Variants in FGGY observed in about 807,000 individuals in gnomAD.
FGGY encodes FGGY carbohydrate kinase domain containing, also known as FGGY carbohydrate kinase domain-containing protein.
FGGY carries 72 observed loss-of-function variants against 71.3 expected under a neutral mutation model. That is an observed-to-expected ratio of 1.01 (90% CI 0.84 to 1.23). The LOEUF (loss-of-function observed/expected upper bound fraction) is 1.23. Ranked by LOEUF, FGGY falls within the 50% of genes most tolerant of loss-of-function variation. The pLI, the probability that FGGY is intolerant of heterozygous loss-of-function variation, is 0.00. For missense variants in FGGY, 668 were observed against 682.3 expected (o/e 0.98, Z 0.23); for synonymous variants, 251 against 250.3 (o/e 1.00, Z -0.02).
intron 5 of FGGY, among the ~76,000 whole-genome samples, chr1:59,428,026 T>C (rs1212988908): frequency 3.3e-5 from 5 of 152,192 alleles, no homozygotes; most frequent in Non-Finnish European, 5.9e-5. Flanking sequence ...GGGAAGCCCA[T>C]CTCAGCTAAG....
At chr1:59,533,088 G>C (rs2095199672) in intron 7 of FGGY, among the ~76,000 whole-genome samples, 1 of 152,168 alleles carries the variant, frequency 6.6e-6, no homozygotes, top group African/African-American at 2.4e-5. Flanking sequence ...ATTTCCGTCT[G>C]AGGTACGGGG....
At chr1:59,473,692 A>T (rs770577845) in intron 6 of FGGY, among the ~76,000 whole-genome samples, 9 of 152,018 alleles carry the variant, frequency 5.9e-5, no homozygotes, top group Admixed American at 4.6e-4. Context: ...GGAACTTCTA[A>T]CTTTCCTCAA....
intron 2 of FGGY, among the ~76,000 whole-genome samples, chr1:59,326,773 C>T (rs1382035544): frequency 6.6e-6 from 1 of 151,960 alleles, no homozygotes; most frequent in East Asian, 1.9e-4. Context: ...TTGCTACAGC[C>T]CTTCAACATC....
At chr1:59,552,913 T>C (rs1015869192) in intron 7 of FGGY, among the ~76,000 whole-genome samples, 1 of 152,150 alleles carries the variant, frequency 6.6e-6, no homozygotes, top group Non-Finnish European at 1.5e-5. Flanking sequence ...CAACTTTTAT[T>C]ATAGAAGGGA....
chr1:59,463,577 AAG>A (rs2092405968), intron 6 of FGGY, among the ~76,000 whole-genome samples: 1 of 152,184 alleles, frequency 6.6e-6, no homozygotes, highest in Non-Finnish European at 1.5e-5. Context: ...AAATATGATA[AAG>A]AGTCAAGACC....
intron 6 of FGGY, among the ~76,000 whole-genome samples, chr1:59,498,660 C>T (rs1480138428): frequency 1.3e-5 from 2 of 152,196 alleles, no homozygotes; most frequent in Non-Finnish European, 2.9e-5. Flanking sequence ...TTCCCAAATG[C>T]TGTTCATGCT....
intron 6 of FGGY, among the ~76,000 whole-genome samples, chr1:59,477,783 G>T (rs1569587369): frequency 6.6e-6 from 1 of 152,090 alleles, no homozygotes; most frequent in Admixed American, 6.6e-5. Context: ...TTCATGTTCT[G>T]CTTCCCTCCC....
chr1:59,758,184 G>A (rs187599424), intron 15 of FGGY, among the ~76,000 whole-genome samples, 192 bp downstream of exon 15: 1 of 152,324 alleles, frequency 6.6e-6, no homozygotes, highest in East Asian at 1.9e-4. Context: ...TAGGGCCAGA[G>A]CTGGGGGTGA....
intron 4 of FGGY, among the ~76,000 whole-genome samples, chr1:59,357,473 A>G (rs1275100377): frequency 6.6e-6 from 1 of 152,220 alleles, no homozygotes; most frequent in Non-Finnish European, 1.5e-5. Context: ...TACAAGCCTC[A>G]AAGAAATGAA....
At chr1:59,642,343 A>G (rs1000480196) in intron 11 of FGGY, among the ~76,000 whole-genome samples, 1 of 152,224 alleles carries the variant, frequency 6.6e-6, no homozygotes, top group African/African-American at 2.4e-5. Context: ...AGAGCAAATC[A>G]CGGCTGTGTG....
chr1:59,578,042 A>G (rs1277962112), intron 8 of FGGY, among the ~76,000 whole-genome samples: 7 of 152,130 alleles, frequency 4.6e-5, no homozygotes, highest in African/African-American at 1.7e-4. Context: ...GCTAAACGTC[A>G]CCCTGAGGAT....
At chr1:59,435,436 G>A (rs2068222136) in intron 5 of FGGY, among the ~76,000 whole-genome samples, 1 of 152,094 alleles carries the variant, frequency 6.6e-6, no homozygotes, top group Non-Finnish European at 1.5e-5. Context: ...CCTGAGGTTG[G>A]TGCAGTGACA....
intron 11 of FGGY, chr1:59,641,260 A>C (rs1341952792): frequency 6.2e-7 from 1 of 1,600,800 alleles, no homozygotes; most frequent in East Asian, 2.2e-5. Context: ...AAAAAAAGAA[A>C]ATTTTCTCGG....
chr1:59,394,290 A>G lies in FGGY; in HGVS notation c.554+15453A>G, dbSNP rs951957656. Among the ~76,000 whole-genome samples the G allele has an allele frequency of 2.0e-5, 3 of 152,124 alleles. No individual in the cohort carries two copies. In the East Asian group the frequency reaches 5.8e-4, roughly 29 times the overall value. On this transcript the variant is annotated intron_variant, in intron 5 of 15. Coordinates refer to ENST00000303721, the MANE Select transcript of FGGY (RefSeq NM_018291.5). ...TAAATAAATATCACTATTGTACTTA[A>G]TCTCATATTCATAATTGTATTCCTT...
chr1:59,420,231 G>A (rs1278490844), intron 5 of FGGY, among the ~76,000 whole-genome samples: 1 of 152,204 alleles, frequency 6.6e-6, no homozygotes, highest in Admixed American at 6.5e-5. Context: ...TCCAAATGCT[G>A]TGAGGCACCA....
chr1:59,484,793 G>A (rs1010608962), intron 6 of FGGY, among the ~76,000 whole-genome samples: 2 of 152,084 alleles, frequency 1.3e-5, no homozygotes, highest in Admixed American at 6.5e-5. Context: ...TAAAAGATAG[G>A]TTATCCATCA....
intron 6 of FGGY, among the ~76,000 whole-genome samples, chr1:59,481,071 T>TAATA (rs5774469): frequency 0.51 from 76,693 of 151,636 alleles, 19,892 homozygotes; most frequent in African/African-American, 0.62. Context: ...AATTTATAAG[T>TAATA]AATAGCTATG....
At chr1:59,626,440 AT>A (rs2096857141) in intron 10 of FGGY, 1 of 163,550 alleles carries the variant, frequency 6.1e-6, no homozygotes, top group Non-Finnish European at 1.3e-5. Context: ...AATAACTGAT[AT>A]GGAGTGATTT....
At chr1:59,658,505 G>A (rs560895979) in intron 11 of FGGY, among the ~76,000 whole-genome samples, 1 of 152,246 alleles carries the variant, frequency 6.6e-6, no homozygotes, top group Non-Finnish European at 1.5e-5. Flanking sequence ...AGGAATCCCC[G>A]CATCAACAGA....
Sources: gnomAD v4.1 joint callset for allele counts (sites outside exome capture counted in the v4.1 genomes callset) on GRCh38, gnomAD v4.1.1 for gene constraint, MANE v1.5 for transcripts, NCBI Gene and HGNC (gene_info 2026-07-23, HGNC 2026-07-21) for gene names.